SRBD1: variants seen among roughly 807,000 people sequenced by gnomAD.
The protein encoded by SRBD1 is S1 RNA binding domain 1, also known as S1 RNA-binding domain-containing protein 1.
A neutral mutation model predicts 115.3 loss-of-function variants in SRBD1; 88 were observed. That is an observed-to-expected ratio of 0.76 (90% CI 0.64 to 0.91). SRBD1 has a LOEUF of 0.91. SRBD1 is among the 40% of genes least tolerant of loss of function. The pLI, the probability that SRBD1 is intolerant of heterozygous loss-of-function variation, is 0.00. For synonymous variants in SRBD1, 509 were observed against 407.7 expected, an observed-to-expected ratio of 1.25 and a Z score of -2.99; for missense variants, 1,385 against 1,177.4, an observed-to-expected ratio of 1.18 and a Z score of -2.58.
At chr2:45,577,929 G>A (rs568912217) in intron 7 of SRBD1, among the ~76,000 whole-genome samples, 16 of 152,212 alleles carry the variant, frequency 1.1e-4, no homozygotes, top group South Asian at 2.1e-4. Context: ...GTCCTCACAC[G>A]TCTGCTAGTA....
intron 14 of SRBD1, among the ~76,000 whole-genome samples, chr2:45,538,043 T>G (rs1002850594): frequency 2.0e-5 from 3 of 152,134 alleles, no homozygotes; most frequent in African/African-American, 7.2e-5. Flanking sequence ...ATGGTAGGCT[T>G]TCAACAGATT....
intron 16 of SRBD1, among the ~76,000 whole-genome samples, chr2:45,475,565 T>C (rs1488774235): frequency 6.6e-6 from 1 of 152,316 alleles, no homozygotes; most frequent in East Asian, 1.9e-4. Flanking sequence ...GTCAATAGCT[T>C]ATTAGCCTGC....
chr2:45,547,625 A>T lies in SRBD1; in HGVS notation c.1676-13T>A. Reference sequence around the variant, plus strand: ...TGAAGTATCTGACCTTTAAAAAATGAAAAGAATAAGCCATTTTATAAGAAA... The same window carrying T: ...TGAAGTATCTGACCTTTAAAAAATGTAAAGAATAAGCCATTTTATAAGAAA... On this transcript the variant is annotated splice_polypyrimidine_tract_variant and intron_variant, in intron 12 of 20. Transcript: ENST00000263736. 1.3e-6 allele frequency: 2 copies of T among 1,598,774 alleles called. No homozygotes were observed. Among genetic ancestry groups the T allele is most frequent in the South Asian group, 1.1e-5 (1 of 88,552 alleles).
At chr2:45,423,960 A>C (rs1038197636) in intron 16 of SRBD1, among the ~76,000 whole-genome samples, 1 of 152,156 alleles carries the variant, frequency 6.6e-6, no homozygotes, top group African/African-American at 2.4e-5. Context: ...AATAATTTCA[A>C]ATTTAGAGAA....
intron 16 of SRBD1, among the ~76,000 whole-genome samples, chr2:45,445,557 A>G: frequency 7.4e-6 from 1 of 135,550 alleles, no homozygotes; most frequent in East Asian, 1.9e-4. Flanking sequence ...AGGTAAAAAA[A>G]AAAAAAAAAA....
At chr2:45,554,476 ACT>A (rs1238409771) in intron 10 of SRBD1, among the ~76,000 whole-genome samples, 1 of 152,040 alleles carries the variant, frequency 6.6e-6, no homozygotes, top group Non-Finnish European at 1.5e-5. Context: ...CAAAGCAGAA[ACT>A]CTGTTTCAAC....
chr2:45,479,646 A>G (rs72616989), intron 15 of SRBD1, among the ~76,000 whole-genome samples: 6,502 of 152,332 alleles, frequency 0.043, 249 homozygotes, highest in East Asian at 0.15. Flanking sequence ...GAAAGAAGCC[A>G]TCTTCCTAAC....
intron 9 of SRBD1, among the ~76,000 whole-genome samples, chr2:45,572,917 A>G (rs1478076191): frequency 1.3e-5 from 2 of 152,136 alleles, no homozygotes; most frequent in Non-Finnish European, 2.9e-5. Flanking sequence ...AAATATAAGG[A>G]TACTGGGAAG....
intron 18 of SRBD1, among the ~76,000 whole-genome samples, chr2:45,414,747 T>TACAC (rs1308998298): frequency 1.8e-5 from 2 of 111,962 alleles, no homozygotes; most frequent in East Asian, 5.0e-4. Context: ...ATATAGTATG[T>TACAC]ACACACACAC....
rs1355710246 is a variant in SRBD1, at chr2:45,483,746, A to C, written c.1966+4494T>G. 2.0e-5 allele frequency among the ~76,000 whole-genome samples: 3 copies of C among 152,062 alleles called. No homozygotes were observed. In the East Asian group the frequency reaches 5.8e-4, roughly 29 times the overall value. On this transcript the variant is annotated intron_variant, in intron 15 of 20. Transcript: ENST00000263736. ...AGAGGAAAATAAGTAAAATTCCCCC[A>C]TGTTGTCTTTTTCAGTCAACAACTC...
intron 16 of SRBD1, among the ~76,000 whole-genome samples, chr2:45,466,278 T>C (rs1222919470): frequency 2.0e-5 from 3 of 152,140 alleles, no homozygotes; most frequent in African/African-American, 7.2e-5. Context: ...GGGCACCTAC[T>C]ACCCCACAGG....
chr2:45,453,898 A>G (rs1669073042), intron 16 of SRBD1, among the ~76,000 whole-genome samples: 1 of 151,982 alleles, frequency 6.6e-6, no homozygotes, highest in Non-Finnish European at 1.5e-5. Flanking sequence ...CAACTTTAGT[A>G]GGACAAATGT....
At chr2:45,538,223 AC>A (rs1220959285) in intron 14 of SRBD1, among the ~76,000 whole-genome samples, 2 of 152,004 alleles carry the variant, frequency 1.3e-5, no homozygotes, top group African/African-American at 2.4e-5. Context: ...TCTTCATAAC[AC>A]CCCATGAAAG....
chr2:45,571,082 A>G (rs1477481591), intron 9 of SRBD1, among the ~76,000 whole-genome samples: 1 of 152,096 alleles, frequency 6.6e-6, no homozygotes, highest in Non-Finnish European at 1.5e-5. Context: ...TATGCTCTGA[A>G]AAGATCTGAG....
At chr2:45,432,731 G>C (rs1232458333) in intron 16 of SRBD1, among the ~76,000 whole-genome samples, 1 of 152,136 alleles carries the variant, frequency 6.6e-6, no homozygotes. Context: ...TTTGGGGCAA[G>C]TTACTTAAAC....
intron 15 of SRBD1, among the ~76,000 whole-genome samples, chr2:45,482,535 G>A (rs573770767): frequency 4.0e-5 from 6 of 151,226 alleles, no homozygotes; most frequent in African/African-American, 7.3e-5. Flanking sequence ...GAGATTTTAC[G>A]TACAGTATGG....
intron 1 of SRBD1, among the ~76,000 whole-genome samples, chr2:45,608,543 T>C (rs1471946194): frequency 6.6e-6 from 1 of 152,170 alleles, no homozygotes; most frequent in South Asian, 2.1e-4. Context: ...CTTGTTAGAT[T>C]AACCAAAACC....
chr2:45,500,704 C>G (rs112617477), intron 14 of SRBD1, among the ~76,000 whole-genome samples: 2,843 of 152,270 alleles, frequency 0.019, 89 homozygotes, highest in African/African-American at 0.065. Flanking sequence ...GTGTGAGCCA[C>G]CACAGCCAGC....
At chr2:45,398,770 A>G (rs539131710) in intron 19 of SRBD1, among the ~76,000 whole-genome samples, 11 of 152,276 alleles carry the variant, frequency 7.2e-5, no homozygotes, top group South Asian at 2.1e-4. Flanking sequence ...AGTATCTAAG[A>G]TCAGTGAAAT....
Sources: allele counts gnomAD v4.1 joint callset (sites outside exome capture counted in the v4.1 genomes callset), GRCh38; gene constraint gnomAD v4.1.1; transcripts MANE v1.5; gene names NCBI Gene and HGNC (gene_info 2026-07-23, HGNC 2026-07-21).